The following THADA variants were observed in gnomAD, a reference collection of about 807,000 sequenced individuals.
THADA encodes the protein THADA armadillo repeat containing, also known as tRNA (32-2'-O)-methyltransferase regulator THADA.
THADA carries 213 observed loss-of-function variants against 219.8 expected under a neutral mutation model. That is an observed-to-expected ratio of 0.97 (90% CI 0.87 to 1.09). The LOEUF is 1.09. Among genes scored for constraint, THADA ranks in the 50% least tolerant of loss-of-function variants. THADA has a pLI of 0.00. For missense variants in THADA, 2,956 were observed against 2,311.3 expected, an observed-to-expected ratio of 1.28 and a Z score of -5.72; for synonymous variants, 1,018 against 828.9, an observed-to-expected ratio of 1.23 and a Z score of -3.92.
chr2:43,258,874 C>T (rs1389351016), intron 36 of THADA, among the ~76,000 whole-genome samples: 1 of 152,136 alleles, frequency 6.6e-6, no homozygotes, highest in South Asian at 2.1e-4. Context: ...GGCCCCCTCC[C>T]CCTGCCAAAA....
chr2:43,418,245 A>G (rs528151199), intron 28 of THADA, among the ~76,000 whole-genome samples: 1 of 152,340 alleles, frequency 6.6e-6, no homozygotes, highest in Admixed American at 6.5e-5. Flanking sequence ...TTTCACCTCC[A>G]AAGAAAGGAA....
chr2:43,296,469 T>G (rs1675399224), intron 31 of THADA, among the ~76,000 whole-genome samples: 1 of 150,646 alleles, frequency 6.6e-6, no homozygotes, highest in South Asian at 2.1e-4. Context: ...AGAGACAGGG[T>G]TTCACCATGT....
intron 36 of THADA, among the ~76,000 whole-genome samples, chr2:43,265,326 T>G (rs949759305): frequency 6.6e-6 from 1 of 152,160 alleles, no homozygotes; most frequent in African/African-American, 2.4e-5. Context: ...CTTCAAAGTA[T>G]AAAAATAGTG....
intron 26 of THADA, among the ~76,000 whole-genome samples, chr2:43,447,256 T>C (rs1681696692): frequency 6.6e-6 from 1 of 152,266 alleles, no homozygotes; most frequent in Non-Finnish European, 1.5e-5. Flanking sequence ...CAATTCAAGA[T>C]GAGATTTGGA....
chr2:43,290,494 T>C (rs1384603545), intron 34 of THADA, among the ~76,000 whole-genome samples: 2 of 152,170 alleles, frequency 1.3e-5, no homozygotes, highest in African/African-American at 4.8e-5. Flanking sequence ...CTCTCTGAAC[T>C]TCATGATCTC....
intron 28 of THADA, among the ~76,000 whole-genome samples, chr2:43,424,107 T>G (rs1200509643): frequency 6.6e-6 from 1 of 152,208 alleles, no homozygotes; most frequent in Non-Finnish European, 1.5e-5. Flanking sequence ...ATTGACATTA[T>G]AAGTTCTGTC....
chr2:43,520,328 T>C (rs1240456076), intron 22 of THADA, among the ~76,000 whole-genome samples: 3 of 152,160 alleles, frequency 2.0e-5, no homozygotes, highest in African/African-American at 7.2e-5. Flanking sequence ...CATTGTAAAA[T>C]TGCAACCTTC....
At position 43,506,356 on chromosome 2, in the gene THADA, T is replaced by C. The variant is rs1689666002; in HGVS notation, c.3508-621A>G. Among the ~76,000 whole-genome samples the C allele has an allele frequency of 2.6e-5, 4 of 152,080 alleles. No homozygotes were observed. The South Asian group carries it at 8.3e-4, about 32-fold the overall frequency. The stretch of plus-strand genomic sequence containing the variant: ...TATCTAACACTTTGCCGATGTCCAA[T>C]AAACATAAAAATAGGGTATTAAGCC... On this transcript the variant is annotated intron_variant, in intron 23 of 37. Coordinates refer to ENST00000405975, the MANE Select transcript of THADA (RefSeq NM_022065.5).
chr2:43,255,808 G>C (rs377568995), intron 36 of THADA, among the ~76,000 whole-genome samples: 21 of 152,306 alleles, frequency 1.4e-4, no homozygotes, highest in African/African-American at 4.8e-4. Context: ...CTCAGCAAAA[G>C]GCAACAGGCC....
intron 26 of THADA, among the ~76,000 whole-genome samples, chr2:43,461,007 G>A (rs528955014): frequency 6.6e-6 from 1 of 152,224 alleles, no homozygotes; most frequent in Non-Finnish European, 1.5e-5. Flanking sequence ...CAAGGACACT[G>A]TTGAGGCAGA....
intron 26 of THADA, among the ~76,000 whole-genome samples, chr2:43,432,268 G>T (rs185435835): frequency 6.6e-6 from 1 of 152,178 alleles, no homozygotes; most frequent in Non-Finnish European, 1.5e-5. Flanking sequence ...GGGATTACAG[G>T]CGTGAGCCAC....
intron 10 of THADA, 85 bp downstream of exon 10, chr2:43,576,937 G>T: frequency 1.6e-6 from 2 of 1,246,944 alleles, no homozygotes; most frequent in Non-Finnish European, 2.3e-6. Context: ...GGGATTAGAG[G>T]CACAAGCCAC....
At chr2:43,586,034 G>C (rs1574380464) in intron 7 of THADA, among the ~76,000 whole-genome samples, 1 of 152,114 alleles carries the variant, frequency 6.6e-6, no homozygotes, top group East Asian at 1.9e-4. Context: ...GGAGGCTAAA[G>C]CGGGCACATT....
intron 14 of THADA, among the ~76,000 whole-genome samples, chr2:43,567,483 C>T (rs557039612): frequency 2.0e-5 from 3 of 152,108 alleles, no homozygotes; most frequent in Admixed American, 2.0e-4. Context: ...AAAAATTAGC[C>T]AGGTGTGGTG....
chr2:43,240,120 G>A (rs902803679), intron 36 of THADA, among the ~76,000 whole-genome samples: 2 of 152,178 alleles, frequency 1.3e-5, no homozygotes, highest in African/African-American at 4.8e-5. Context: ...GAAGGAGGAG[G>A]TGGCTTCACA....
In THADA at chr2:43,530,807, C is replaced by T. The variant is rs975570545; in HGVS notation, c.3265-2819G>A. 1.3e-5 allele frequency among the ~76,000 whole-genome samples: 2 copies of T among 152,296 alleles called. 1 individual carries two copies. The highest frequency in any genetic ancestry group is 1.3e-4 in the Admixed American group (2 of 15,302). On this transcript the variant is annotated intron_variant, in intron 21 of 37. Transcript: ENST00000405975. ...AAAGCATATAATAAAAATCAAAGAC[C>T]TCAGAAGTATGACCAGTGGGTGGTC...
intron 26 of THADA, among the ~76,000 whole-genome samples, chr2:43,437,329 T>C (rs1353604436): frequency 6.6e-6 from 1 of 152,212 alleles, no homozygotes; most frequent in African/African-American, 2.4e-5. Flanking sequence ...TGGCTTGGAC[T>C]AAATGGAAAG....
chr2:43,405,444 T>C (rs1001779653), intron 28 of THADA, among the ~76,000 whole-genome samples: 1 of 152,220 alleles, frequency 6.6e-6, no homozygotes, highest in Non-Finnish European at 1.5e-5. Flanking sequence ...TTTTCCACAT[T>C]CTCAGGTGAG....
chr2:43,462,598 T>C (rs1683764494), intron 26 of THADA, among the ~76,000 whole-genome samples: 1 of 152,184 alleles, frequency 6.6e-6, no homozygotes, highest in East Asian at 1.9e-4. Context: ...CAACATTTAA[T>C]TGAAAAGTGA....
Sources: gnomAD v4.1 joint callset for allele counts (sites outside exome capture counted in the v4.1 genomes callset) on GRCh38, gnomAD v4.1.1 for gene constraint, MANE v1.5 for transcripts, NCBI Gene and HGNC (gene_info 2026-07-23, HGNC 2026-07-21) for gene names.